The following GIPR variants were observed in gnomAD, a reference collection of about 807,000 sequenced individuals.
GIPR encodes GIP-R.
Under a neutral mutation model 62.2 loss-of-function variants are expected in GIPR, and 74 were observed. The ratio of observed to expected loss-of-function variants is 1.19; its 90% CI spans 0.99 to 1.44. GIPR has a LOEUF of 1.44. GIPR is among the 40% of genes most tolerant of loss of function. GIPR has a pLI of 0.00. For missense variants in GIPR, 664 were observed against 611.8 expected (o/e 1.09, Z -0.90); for synonymous variants, 256 against 262.2 (o/e 0.98, Z 0.23).
In GIPR at chr19:45,677,104, C is replaced by A; in HGVS notation, c.789C>A (p.Gly263=). The change falls in exon 8 of 14, where the codon GGC becomes GGA. Residue 263 remains glycine, a synonymous_variant. Coordinates refer to ENST00000590918, the MANE Select transcript of GIPR (RefSeq NM_000164.4). The part of the protein sequence containing the change: ...EGHFRYYLLL[G]WGAPALFVIP... ...ACTTCCGCTACTACCTGCTCCTCGG[C>A]TGGGGTGAGCTCCGATCCCGTCCCC... 6.2e-7 allele frequency: 1 copy of A among 1,613,348 alleles called. No homozygotes were observed. The highest frequency in any genetic ancestry group is 8.5e-7 in the Non-Finnish European group (1 of 1,179,930).
intron 9 of GIPR, 153 bp downstream of exon 9, chr19:45,677,536 T>G (rs1381797049): frequency 2.4e-6 from 2 of 817,050 alleles, no homozygotes; most frequent in South Asian, 1.4e-5. Context: ...TAGGAAAGGT[T>G]GTGTTCCAGG....
chr19:45,674,391 T>C, intron 6 of GIPR: 1 of 655,548 alleles, frequency 1.5e-6, no homozygotes, highest in Non-Finnish European at 2.8e-6. Context: ...GAGGATCGCT[T>C]GAGCCCAGGA....
At chr19:45,673,797 G>C (rs1022882087) in intron 5 of GIPR, among the ~76,000 whole-genome samples, 1 of 152,006 alleles carries the variant, frequency 6.6e-6, no homozygotes, top group Non-Finnish European at 1.5e-5. Context: ...CCTGGGGGGC[G>C]AGGCTGCAGG....
chr19:45,678,175 C>G lies in GIPR; in HGVS notation c.1101C>G (p.Gly367=). 2 of 1,600,334 alleles carry G rather than the reference C, an allele frequency of 1.2e-6. No homozygotes were observed. ...CCGTGACAGAGGAACAGGCCCGGGGCGCCCTGCGCTTCGCCAAGCTCGGCT... is the reference window on the plus strand; with the variant it reads ...CCGTGACAGAGGAACAGGCCCGGGGGGCCCTGCGCTTCGCCAAGCTCGGCT... The part of the protein sequence containing the change: ...FAPVTEEQAR[G]ALRFAKLGFE... Residue 367 remains glycine (G), a synonymous_variant, in exon 12 of 14, where the codon GGC becomes GGG. Transcript: ENST00000590918.
At position 45,674,361 on chromosome 19, in the gene GIPR, T is replaced by A. The variant is rs549036385; in HGVS notation, c.488+184T>A. The A allele has an allele frequency of 2.4e-4, 159 of 676,520 alleles. 1 individual carries two copies. The East Asian group carries it at 3.9e-3, about 16-fold the overall frequency. 41.9% of individuals were successfully genotyped at this position (676,520 alleles called of 1,614,324 possible). On this transcript the variant is annotated intron_variant, in intron 6 of 13. Transcript: ENST00000590918. Reference sequence around the variant, plus strand: ...GGTGGCTGATGCCTGTAATCCCAGCTCTTTGGGATGCCAAGGCAGGAGGAT... The same window carrying A: ...GGTGGCTGATGCCTGTAATCCCAGCACTTTGGGATGCCAAGGCAGGAGGAT...
intron 8 of GIPR, 22 bp from the exon 9 acceptor site, chr19:45,677,301 G>C: frequency 6.9e-7 from 1 of 1,439,250 alleles, no homozygotes; most frequent in South Asian, 1.2e-5. Flanking sequence ...GGGGTGGGGG[G>C]GCGGGGTCGG....
rs969786767 is a variant in GIPR at position 45,677,607 on chromosome 19, G to A, written c.855-103G>A. The A allele has an allele frequency of 1.5e-5, 14 of 957,210 alleles. 1 individual carries two copies. Among genetic ancestry groups the A allele is most frequent in the South Asian group, 6.4e-5 (5 of 78,024 alleles). 59.3% of individuals were successfully genotyped at this position (957,210 alleles called of 1,614,324 possible). On this transcript the variant is annotated intron_variant, in intron 9 of 13. Coordinates refer to ENST00000590918, the MANE Select transcript of GIPR (RefSeq NM_000164.4). ...TAATGGGCGGGACCTTAGAGAATGT[G>A]TGTGGTCTCAAGTGCGGTGGGCGGG...
chr19:45,670,945 G>T (rs1021437797), intron 3 of GIPR, among the ~76,000 whole-genome samples: 4 of 151,926 alleles, frequency 2.6e-5, no homozygotes, highest in African/African-American at 4.8e-5. Context: ...GGAGCCTTGG[G>T]CGGGGCCTGC....
At position 45,677,021 on chromosome 19, in the gene GIPR, G is replaced by A. The variant is rs1301966065; in HGVS notation, c.706G>A (p.Val236Met). 6 of 1,613,990 alleles carry A rather than the reference G, an allele frequency of 3.7e-6. No individual in the cohort carries two copies. The African/African-American group carries it at 8.0e-5, about 22-fold the overall frequency. ...CVGANYTWLLVEGVYLHSLLV... is the reference protein window; with the variant it reads ...CVGANYTWLLMEGVYLHSLLV... ...GGGTGCCAACTACACGTGGCTGCTG[G>A]TGGAGGGCGTCTACCTGCACAGTCT... The change falls in exon 8 of 14, where the codon GTG (valine) becomes ATG (methionine). Residue 236 changes from valine (V) to methionine (M), a missense_variant. By Grantham distance (21) the Val-to-Met change is conservative. Coordinates refer to ENST00000590918, the MANE Select transcript of GIPR (RefSeq NM_000164.4).
chr19:45,677,204 T>C, intron 8 of GIPR, 96 bp downstream of exon 8: 2 of 1,432,254 alleles, frequency 1.4e-6, no homozygotes, highest in African/African-American at 1.4e-5. Context: ...TCCTCCCGTC[T>C]CTAGGCTTCT....
At chr19:45,669,198 C>A (rs1342885234) in intron 1 of GIPR, among the ~76,000 whole-genome samples, 1 of 151,442 alleles carries the variant, frequency 6.6e-6, no homozygotes, top group Non-Finnish European at 1.5e-5. Flanking sequence ...TCAGCAAACA[C>A]CCCCCCCTTC....
chr19:45,674,958 T>G, intron 7 of GIPR, 132 bp downstream of exon 7: 1 of 901,428 alleles, frequency 1.1e-6, no homozygotes, highest in East Asian at 2.5e-5. Flanking sequence ...TCTCCAAATG[T>G]GTCTTGGGGT....
intron 6 of GIPR, 126 bp from the exon 7 acceptor site, chr19:45,674,556 C>T (rs1975729525): frequency 1.2e-6 from 1 of 848,162 alleles, no homozygotes; most frequent in African/African-American, 1.7e-5. Context: ...GCAGTGAGCC[C>T]TGATTGTGTC....
chr19:45,672,007 CTTTA>C (rs1281577024), intron 4 of GIPR, among the ~76,000 whole-genome samples: 1 of 147,176 alleles, frequency 6.8e-6, no homozygotes, highest in Non-Finnish European at 1.5e-5. Context: ...GCCTCAGACA[CTTTA>C]TTTATTTAAC....
intron 1 of GIPR, 84 bp from the exon 2 acceptor site, chr19:45,669,393 C>G (rs957682956): frequency 5.9e-6 from 8 of 1,347,288 alleles, no homozygotes; most frequent in African/African-American, 2.9e-5. Flanking sequence ...GCCGTCTGCC[C>G]CTGTGTGTGA....
At chr19:45,676,502 C>G (rs1002804291) in intron 7 of GIPR, among the ~76,000 whole-genome samples, 11 of 126,532 alleles carry the variant, frequency 8.7e-5, no homozygotes, top group Admixed American at 7.5e-4. Flanking sequence ...GGTGCAATCT[C>G]GGCTCACCGC....
intron 2 of GIPR, 23 bp from the exon 3 acceptor site, chr19:45,670,612 T>A: frequency 6.5e-7 from 1 of 1,549,638 alleles, no homozygotes; most frequent in Non-Finnish European, 8.9e-7. Context: ...TCTGGGGGGG[T>A]CCTCCCTTCT....
intron 1 of GIPR, among the ~76,000 whole-genome samples, chr19:45,668,880 C>A (rs1329149696): frequency 6.6e-6 from 1 of 152,178 alleles, no homozygotes; most frequent in Non-Finnish European, 1.5e-5. Flanking sequence ...CTACCCCCAG[C>A]GGGGAAAGTT....
intron 6 of GIPR, 185 bp from the exon 7 acceptor site, chr19:45,674,497 A>C (rs1354389908): frequency 1.5e-6 from 1 of 655,754 alleles, no homozygotes; most frequent in Non-Finnish European, 2.7e-6. Context: ...TACCAGCTAT[A>C]GGGGGGCGCT....
Sources: gnomAD v4.1 joint callset for allele counts (sites outside exome capture counted in the v4.1 genomes callset) on GRCh38, gnomAD v4.1.1 for gene constraint, MANE v1.5 for transcripts, NCBI Gene and HGNC (gene_info 2026-07-23, HGNC 2026-07-21) for gene names.